The following DOCK1 variants were observed in gnomAD, a reference collection of about 807,000 sequenced individuals.
The protein encoded by DOCK1 is dedicator of cytokinesis protein 1.
DOCK1 carries 138 observed loss-of-function variants against 262.7 expected under a neutral mutation model. The ratio of observed to expected loss-of-function variants is 0.53; its 90% confidence interval spans 0.46 to 0.61. The LOEUF (loss-of-function observed/expected upper bound fraction) is 0.61. Among genes scored for constraint, DOCK1 ranks in the 20% least tolerant of loss-of-function variants. The pLI is 0.00. For synonymous variants in DOCK1, 866 were observed against 867.4 expected, an observed-to-expected ratio of 1.00 and a Z score of 0.03; for missense variants, 1,908 against 2,370.7, an observed-to-expected ratio of 0.80 and a Z score of 4.05.
intron 29 of DOCK1, among the ~76,000 whole-genome samples, chr10:127,287,273 G>A (rs1037715218): frequency 1.1e-4 from 16 of 150,808 alleles, no homozygotes; most frequent in Non-Finnish European, 2.1e-4. Context: ...TGTGATCATA[G>A]CTCACTGCAG....
chr10:127,362,014 T>C (rs1590691589), intron 32 of DOCK1, 50 bp from the exon 33 acceptor site: 5 of 1,529,544 alleles, frequency 3.3e-6, no homozygotes, highest in East Asian at 4.7e-5. Flanking sequence ...AAGCCCATTT[T>C]AGAATTCTAT....
At chr10:126,976,657 A>G (rs1591508175) in intron 2 of DOCK1, among the ~76,000 whole-genome samples, 1 of 152,118 alleles carries the variant, frequency 6.6e-6, no homozygotes, top group African/African-American at 2.4e-5. Flanking sequence ...GAATTTACCC[A>G]GCTCACGTTT....
intron 27 of DOCK1, among the ~76,000 whole-genome samples, chr10:127,177,808 G>A (rs1362405049): frequency 3.3e-5 from 5 of 152,228 alleles, no homozygotes; most frequent in East Asian, 3.9e-4. Flanking sequence ...TGCTCTGCTC[G>A]TTCACATACA....
At chr10:127,400,004 C>A (rs1211932237) in intron 38 of DOCK1, among the ~76,000 whole-genome samples, 2 of 152,100 alleles carry the variant, frequency 1.3e-5, no homozygotes, top group African/African-American at 4.8e-5. Context: ...CAGATGGGGA[C>A]TCTGGGAAGG....
intron 49 of DOCK1, among the ~76,000 whole-genome samples, chr10:127,440,078 G>A (rs1409601035): frequency 6.6e-6 from 1 of 150,674 alleles, no homozygotes; most frequent in Non-Finnish European, 1.5e-5. Context: ...TTGGCTTCTG[G>A]TGAGGCCTCA....
rs141857411 is a variant in DOCK1 at position 126,924,248 on chromosome 10, A to G, written c.46+18685A>G. 3.4e-3 allele frequency among the ~76,000 whole-genome samples: 390 copies of G among 113,556 alleles called. 2 individuals carry two copies. The highest frequency in any genetic ancestry group is 0.012 in the African/African-American group (371 of 30,830). 74.5% of individuals were successfully genotyped at this position (113,556 alleles called of 152,430 possible). On this transcript the variant is annotated intron_variant, in intron 1 of 51. Transcript: ENST00000623213. Reference sequence around the variant, plus strand: ...TGAATGCTGGAACTGAGCAGGGGGAACTGAGTGCTGGAACTCAGTAGGGGG... The same window carrying G: ...TGAATGCTGGAACTGAGCAGGGGGAGCTGAGTGCTGGAACTCAGTAGGGGG...
intron 27 of DOCK1, among the ~76,000 whole-genome samples, chr10:127,181,253 T>A (rs934834271): frequency 6.6e-6 from 1 of 152,218 alleles, no homozygotes; most frequent in Non-Finnish European, 1.5e-5. Context: ...GATATGTCAA[T>A]ATTTGAGCAA....
intron 22 of DOCK1, among the ~76,000 whole-genome samples, chr10:127,059,028 CTGTT>C (rs1554876850): frequency 2.0e-5 from 3 of 152,064 alleles, no homozygotes; most frequent in Non-Finnish European, 1.5e-5. Context: ...TTATGGGACT[CTGTT>C]TGTATGAAAA....
chr10:127,032,609 A>C (rs928941487), intron 18 of DOCK1, among the ~76,000 whole-genome samples: 2 of 151,954 alleles, frequency 1.3e-5, no homozygotes, highest in Admixed American at 1.3e-4. Context: ...GCTGGAGTGC[A>C]GTGGTGTGAT....
At chr10:127,212,831 G>C (rs1213660474) in intron 27 of DOCK1, among the ~76,000 whole-genome samples, 1 of 148,970 alleles carries the variant, frequency 6.7e-6, no homozygotes, top group Non-Finnish European at 1.5e-5. Context: ...AAAAAAGGAT[G>C]GAGAATCTCA....
chr10:127,285,639 T>A (rs570146592), intron 29 of DOCK1, among the ~76,000 whole-genome samples: 2 of 152,186 alleles, frequency 1.3e-5, no homozygotes, highest in South Asian at 4.2e-4. Context: ...GTCCAGAGAG[T>A]GAGGCATGCA....
Position 126,979,809 on chromosome 10 carries a change from C to T in DOCK1, c.171+1821C>T, listed in dbSNP as rs1158711940. On this transcript the variant is annotated intron_variant, in intron 3 of 51. Coordinates refer to ENST00000623213, the MANE Select transcript of DOCK1 (RefSeq NM_001290223.2). ...GCAGTAGCAGAAAAGGGATGTGGGC[C>T]CTAGGAATCCTGGCACCACGTGTCT... Among the ~76,000 whole-genome samples, 4 of 152,180 alleles carry T rather than the reference C, an allele frequency of 2.6e-5. No homozygotes were observed. In the East Asian group the frequency reaches 7.7e-4, roughly 29 times the overall value.
intron 29 of DOCK1, among the ~76,000 whole-genome samples, chr10:127,325,068 C>T (rs2062698489): frequency 6.6e-6 from 1 of 152,206 alleles, no homozygotes; most frequent in Admixed American, 6.5e-5. Context: ...AGCTCATCCA[C>T]ATACCTTGCA....
intron 12 of DOCK1, chr10:127,013,663 G>C (rs757900741): frequency 1.2e-4 from 19 of 152,212 alleles, no homozygotes; most frequent in Admixed American, 6.5e-5. Context: ...CATGTCCGGG[G>C]GTCCAGTTCC....
At chr10:127,218,435 T>A (rs900379590) in intron 27 of DOCK1, among the ~76,000 whole-genome samples, 5 of 152,196 alleles carry the variant, frequency 3.3e-5, no homozygotes, top group Admixed American at 2.6e-4. Context: ...ATGACTTGCA[T>A]TACTTCTTGG....
intron 39 of DOCK1, among the ~76,000 whole-genome samples, chr10:127,403,535 G>A (rs953518511): frequency 5.3e-5 from 8 of 152,136 alleles, no homozygotes; most frequent in Non-Finnish European, 7.3e-5. Flanking sequence ...TAAGGCAGGC[G>A]GATCACGAGG....
intron 27 of DOCK1, among the ~76,000 whole-genome samples, chr10:127,139,779 C>T (rs1451080452): frequency 6.6e-6 from 1 of 152,080 alleles, no homozygotes; most frequent in Admixed American, 6.5e-5. Context: ...CCCAGGCTGT[C>T]GTAATTACTG....
chr10:126,935,804 G>A (rs1251542625), intron 1 of DOCK1, among the ~76,000 whole-genome samples: 1 of 152,234 alleles, frequency 6.6e-6, no homozygotes, highest in African/African-American at 2.4e-5. Context: ...AACTCCATGA[G>A]GATAAGGGCA....
At chr10:127,339,873 T>C (rs1206138648) in intron 30 of DOCK1, among the ~76,000 whole-genome samples, 4 of 152,188 alleles carry the variant, frequency 2.6e-5, no homozygotes, top group Admixed American at 2.6e-4. Flanking sequence ...TAGTTTATTT[T>C]AGTAAAGTAT....
Sources: gnomAD v4.1 joint callset for allele counts (sites outside exome capture counted in the v4.1 genomes callset) on GRCh38, gnomAD v4.1.1 for gene constraint, MANE v1.5 for transcripts, NCBI Gene and HGNC (gene_info 2026-07-23, HGNC 2026-07-21) for gene names.